Variants in ZNF48 observed in about 807,000 individuals in gnomAD.
ZNF48 encodes the protein zinc finger protein 48.
A neutral mutation model predicts 40.0 loss-of-function variants in ZNF48; 20 were observed. The observed-to-expected ratio is 0.50, with a 90% CI of 0.35 to 0.73. The LOEUF is 0.73. ZNF48 is among the 30% of genes least tolerant of loss of function. ZNF48 has a pLI of 0.01. For missense variants in ZNF48, 726 were observed against 851.9 expected, an observed-to-expected ratio of 0.85 and a Z score of 1.84; for synonymous variants, 298 against 329.7, an observed-to-expected ratio of 0.90 and a Z score of 1.04.
chr16:30,392,135 G>T (rs2049947155), upstream of ZNF48, among the ~76,000 whole-genome samples: 1 of 152,222 alleles, frequency 6.6e-6, no homozygotes, highest in Non-Finnish European at 1.5e-5. Flanking sequence ...CCATTCTCCT[G>T]CTTCAGCCTC....
At position 30,395,612 on chromosome 16, in the gene ZNF48, C is replaced by G; in HGVS notation, c.-16+34C>G. The G allele has an allele frequency of 3.5e-6, 1 of 288,158 alleles. No homozygotes were observed. The highest frequency in any genetic ancestry group is 5.8e-6 in the Non-Finnish European group (1 of 172,710). The allele number at this position is 288,158 out of a possible 1,614,324, so 17.9% of individuals were successfully genotyped here. A position where few individuals can be genotyped will look rare whatever the true frequency, so the allele number is the denominator to read the frequency against. On this transcript the variant is annotated intron_variant, in intron 1 of 2. Coordinates refer to ENST00000613509, the MANE Select transcript of ZNF48 (RefSeq NM_001214909.2). The surrounding 1 kb of genome is among the most constrained non-coding windows in gnomAD (Gnocchi z 5.9). ...GGCGGCTGCGCGCTGGGAGGAGCAG[C>G]AGGTGCAGGGGCGGCCGGCGGCGCG...
In ZNF48 at chr16:30,381,490, G is replaced by A; in HGVS notation, c.-16+3080G>A. The stretch of plus-strand genomic sequence containing the variant: ...GGAAGCCAGCTGGGTGTGGGGAGAG[G>A]ATGTGAGGTCAGAGATCAAAGGCCA... On this transcript the variant is annotated intron_variant, in intron 1 of 2. Coordinates refer to the ZNF48 transcript ENST00000528032. The surrounding 1 kb of genome is among the most constrained non-coding windows in gnomAD (Gnocchi z 4.3). 4 of 1,613,814 alleles carry A rather than the reference G, an allele frequency of 2.5e-6. No homozygotes were observed. Among genetic ancestry groups the A allele is most frequent in the Non-Finnish European group, 2.5e-6 (3 of 1,179,908 alleles).
rs764137608 is a variant in ZNF48, at chr16:30,381,110, G to C, written c.-16+2700G>C. Reference sequence around the variant, plus strand: ...TGGCTTCACATGGGGTCAAAGGTCAGAGGTCATCACTCACACCTTCTGCTT... The same window carrying C: ...TGGCTTCACATGGGGTCAAAGGTCACAGGTCATCACTCACACCTTCTGCTT... On this transcript the variant is annotated intron_variant, in intron 1 of 2. Coordinates refer to the ZNF48 transcript ENST00000528032. This position sits in a 1 kb window ranked among gnomAD's most constrained non-coding sequence, Gnocchi z 4.3. The C allele has an allele frequency of 5.7e-6, 9 of 1,592,160 alleles. No individual in the cohort carries two copies. Among genetic ancestry groups the C allele is most frequent in the Non-Finnish European group, 6.0e-6 (7 of 1,159,938 alleles).
chr16:30,381,678 G>A lies in ZNF48; in HGVS notation c.-16+3268G>A. On this transcript the variant is annotated intron_variant, in intron 1 of 2. Transcript: ENST00000528032. The surrounding 1 kb of genome is among the most constrained non-coding windows in gnomAD (Gnocchi z 4.3). ...CAGACACCACCTTTTGAGATAGGGA[G>A]CCAGCACAAACCAGTCCTGTAACTC... 1.3e-6 allele frequency: 2 copies of A among 1,570,686 alleles called. No individual in the cohort carries two copies. Among genetic ancestry groups the A allele is most frequent in the Non-Finnish European group, 1.7e-6 (2 of 1,157,656 alleles).
chr16:30,391,359 T>C (rs958814666), upstream of ZNF48, among the ~76,000 whole-genome samples: 3 of 151,558 alleles, frequency 2.0e-5, no homozygotes, highest in Admixed American at 2.0e-4. Context: ...CCAGCTAATT[T>C]TTTTATTTTT....
rs1273725666 is a variant in ZNF48 at position 30,398,620 on chromosome 16, G to T, written c.1370G>T (p.Gly457Val). The T allele has an allele frequency of 6.2e-7, 1 of 1,613,052 alleles. No individual in the cohort carries two copies. The highest frequency in any genetic ancestry group is 8.5e-7 in the Non-Finnish European group (1 of 1,179,946). Residue 457 changes from glycine to valine, a missense_variant, in exon 3 of 3, where the codon GGC becomes GTC. Coordinates refer to ENST00000613509, the MANE Select transcript of ZNF48 (RefSeq NM_001214909.2). This position sits in a 1 kb window ranked among gnomAD's most constrained non-coding sequence, Gnocchi z 6.6. ...AAGCCCCACAAGTGCCCTGAGTGTG[G>T]CAAGGGCTTCCGCCGAAGCTCTGAC... ...GDKPHKCPEC[G>V]KGFRRSSDLV... is the part of the protein sequence containing the mutation.
chr16:30,379,473 G>A (rs1163268063), intron 1 of ZNF48: 2 of 1,613,646 alleles, frequency 1.2e-6, no homozygotes, highest in East Asian at 2.2e-5. Context: ...TCCCCTCACC[G>A]GCCGGTTCCC....
chr16:30,379,181 C>T, intron 1 of ZNF48: 2 of 1,613,980 alleles, frequency 1.2e-6, no homozygotes, highest in Non-Finnish European at 1.7e-6. Context: ...TGTGGGTTCT[C>T]CACTGGAGGG....
Position 30,398,217 on chromosome 16 carries a change from C to T in ZNF48, c.967C>T (p.Arg323Trp), listed in dbSNP as rs765463980. The T allele has an allele frequency of 3.7e-6, 6 of 1,613,554 alleles. No homozygotes were observed. Among genetic ancestry groups the T allele is most frequent in the South Asian group, 1.1e-5 (1 of 91,096 alleles). The change falls in exon 3 of 3, where the codon CGG (arginine) becomes TGG (tryptophan). Residue 323 changes from arginine (R) to tryptophan (W), a missense_variant. Arg to Trp is a moderately radical substitution (Grantham distance 101, BLOSUM62 -3). Coordinates refer to ENST00000613509, the MANE Select transcript of ZNF48 (RefSeq NM_001214909.2). The surrounding 1 kb of genome is among the most constrained non-coding windows in gnomAD (Gnocchi z 6.6). Reference protein sequence around the residue: ...ARGSDLVKHLRVHTGEKPYLC... With the variant: ...ARGSDLVKHLWVHTGEKPYLC... ...GGGATCCGACCTGGTGAAGCACCTGCGGGTGCACACGGGTGAGAAGCCCTA... is the reference window on the plus strand; with the variant it reads ...GGGATCCGACCTGGTGAAGCACCTGTGGGTGCACACGGGTGAGAAGCCCTA...
intron 2 of ZNF48, 185 bp downstream of exon 2, chr16:30,396,058 TC>T (rs1163295750): frequency 6.0e-5 from 31 of 517,028 alleles, no homozygotes; most frequent in Middle Eastern, 3.1e-4. Flanking sequence ...ACGGCCTCTG[TC>T]CCCTCCCTCA....
chr16:30,390,161 T>C lies in ZNF48; in HGVS notation c.-15-5619T>C, dbSNP rs140399116. 5.0e-3 allele frequency among the ~76,000 whole-genome samples: 758 copies of C among 152,134 alleles called. 6 individuals are homozygous for C. Among genetic ancestry groups the C allele is most frequent in the South Asian group, 0.037 (179 of 4,816 alleles). ...TCATCTTGCCATCATGTCTTCACAGTTACCTCTTCCCCACCCCTTGCATCC... is the reference window on the plus strand; with the variant it reads ...TCATCTTGCCATCATGTCTTCACAGCTACCTCTTCCCCACCCCTTGCATCC... On this transcript the variant is annotated intron_variant, in intron 1 of 2. Coordinates refer to the ZNF48 transcript ENST00000528032.
In ZNF48 at chr16:30,398,506, A is replaced by G; in HGVS notation, c.1256A>G (p.His419Arg). ...CCGCTGACACCTCGAAGTCCCTCAC[A>G]CTCGGGTGAGCCTTTTGGCCTGCCT... is the stretch of plus-strand genomic sequence containing the variant. ...SPPLTPRSPS[H>R]SGEPFGLPGL... The change falls in exon 3 of 3, where the codon CAC becomes CGC. Residue 419 changes from histidine (H) to arginine (R), a missense_variant. Physicochemically the swap from His to Arg is conservative, Grantham distance 29. Transcript: ENST00000613509. The surrounding 1 kb of genome is among the most constrained non-coding windows in gnomAD (Gnocchi z 6.6). The G allele has an allele frequency of 1.3e-6, 2 of 1,589,088 alleles. No homozygotes were observed. Among genetic ancestry groups the G allele is most frequent in the East Asian group, 2.3e-5 (1 of 44,400 alleles).
In ZNF48 at chr16:30,397,288, G is replaced by C. The variant is rs190568611; in HGVS notation, c.80-42G>C. Reference sequence around the variant, plus strand: ...GAGGTTGCTGTCAAAGATAAGTACCGAGCCAAAGGGGAGGGTCTACAACTT... The same window carrying C: ...GAGGTTGCTGTCAAAGATAAGTACCCAGCCAAAGGGGAGGGTCTACAACTT... On this transcript the variant is annotated intron_variant, in intron 2 of 2. Transcript: ENST00000613509. The surrounding 1 kb of genome is among the most constrained non-coding windows in gnomAD (Gnocchi z 4.1). The C allele has an allele frequency of 1.3e-6, 2 of 1,551,998 alleles. No homozygotes were observed. The highest frequency in any genetic ancestry group is 1.7e-6 in the Non-Finnish European group (2 of 1,148,028).
chr16:30,380,690 C>T (rs75460591), intron 1 of ZNF48: 3,849 of 175,408 alleles, frequency 0.022, 69 homozygotes, highest in Non-Finnish European at 0.034. Flanking sequence ...GGATCACTTG[C>T]GCCTACAAGT....
chr16:30,388,512 C>T (rs1395572975), intron 1 of ZNF48, among the ~76,000 whole-genome samples: 4 of 152,064 alleles, frequency 2.6e-5, no homozygotes, highest in African/African-American at 9.7e-5. Flanking sequence ...GCACCCGGCC[C>T]AGGAAGTTAT....
chr16:30,388,468 C>T (rs1427901332), intron 1 of ZNF48, among the ~76,000 whole-genome samples: 1 of 152,174 alleles, frequency 6.6e-6, no homozygotes, highest in South Asian at 2.1e-4. Context: ...ATCCTCCCTT[C>T]TTGGTCTCCC....
In ZNF48 at chr16:30,397,278, G is replaced by T. The variant is rs779243942; in HGVS notation, c.80-52G>T. 2.3e-5 allele frequency: 35 copies of T among 1,525,880 alleles called. No homozygotes were observed. Among genetic ancestry groups the T allele is most frequent in the Non-Finnish European group, 2.9e-5 (33 of 1,128,676 alleles). 94.5% of individuals were successfully genotyped at this position (1,525,880 alleles called of 1,614,324 possible). ...TCTTCCTGGAGAGGTTGCTGTCAAA[G>T]ATAAGTACCGAGCCAAAGGGGAGGG... On this transcript the variant is annotated intron_variant, in intron 2 of 2. Transcript: ENST00000613509. This position sits in a 1 kb window ranked among gnomAD's most constrained non-coding sequence, Gnocchi z 4.1.
Position 30,398,494 on chromosome 16 carries a change from G to A in ZNF48, c.1244G>A (p.Arg415Gln), listed in dbSNP as rs776286966. ...GGCACCAGCCCCCCGCTGACACCTCGAAGTCCCTCACACTCGGGTGAGCCT... is the reference window on the plus strand; with the variant it reads ...GGCACCAGCCCCCCGCTGACACCTCAAAGTCCCTCACACTCGGGTGAGCCT... ...PLGTSPPLTP[R>Q]SPSHSGEPFG... is the part of the protein sequence containing the mutation. Residue 415 changes from arginine to glutamine, a missense_variant, in exon 3 of 3, where the codon CGA (arginine) becomes CAA (glutamine). By Grantham distance (43) the Arg-to-Gln change is conservative (BLOSUM62 1). Transcript: ENST00000613509. The surrounding 1 kb of genome is among the most constrained non-coding windows in gnomAD (Gnocchi z 6.6). 7 of 1,577,944 alleles carry A rather than the reference G, an allele frequency of 4.4e-6. No individual in the cohort carries two copies. The highest frequency in any genetic ancestry group is 2.8e-5 in the African/African-American group (2 of 72,698).
rs983323074 is a variant in ZNF48 at position 30,398,807 on chromosome 16, C to T, written c.1557C>T (p.Asn519=). The change falls in exon 3 of 3, where the codon AAC becomes AAT. Residue 519 remains asparagine, a synonymous_variant. Transcript: ENST00000613509. This position sits in a 1 kb window ranked among gnomAD's most constrained non-coding sequence, Gnocchi z 6.6. ...CATCCACTCTGCTGCGGCCACATAA[C>T]CCACCTGGCCCAGTACCCATGGCCC... ...PPPSTLLRPH[N]PPGPVPMAPR... is the part of the protein sequence containing the mutation. The T allele has an allele frequency of 1.9e-6, 3 of 1,613,642 alleles. No homozygotes were observed. The highest frequency in any genetic ancestry group is 2.5e-6 in the Non-Finnish European group (3 of 1,180,036).
Sources: allele counts gnomAD v4.1 joint callset (sites outside exome capture counted in the v4.1 genomes callset), GRCh38; gene constraint gnomAD v4.1.1; non-coding constraint Gnocchi (gnomAD v3.1); transcripts MANE v1.5; gene names NCBI Gene and HGNC (gene_info 2026-07-23, HGNC 2026-07-21).